Variants in CHAT observed in about 807,000 individuals in gnomAD.
The protein encoded by CHAT is acetyl CoA:choline O-acetyltransferase.
Under a neutral mutation model 76.9 loss-of-function variants are expected in CHAT, and 61 were observed. That is an observed-to-expected ratio of 0.79 (90% confidence interval 0.65 to 0.98). CHAT has a LOEUF of 0.98. CHAT is among the 50% of genes least tolerant of loss of function. CHAT has a pLI of 0.00. For synonymous variants in CHAT, 407 were observed against 397.4 expected (o/e 1.02, Z -0.29); for missense variants, 946 against 986.9 (o/e 0.96, Z 0.56).
chr10:49,656,646 G>A (rs4838549), intron 13 of CHAT, among the ~76,000 whole-genome samples: 61,321 of 152,058 alleles, frequency 0.4, 12,928 homozygotes, highest in East Asian at 0.69. Flanking sequence ...AAGAGAATAA[G>A]ACCCATTCGA....
At chr10:49,641,851 C>T (rs1200577810) in intron 7 of CHAT, among the ~76,000 whole-genome samples, 2 of 152,066 alleles carry the variant, frequency 1.3e-5, no homozygotes, top group South Asian at 2.1e-4. Flanking sequence ...GGTATATGTC[C>T]GGGGGTACTT....
At chr10:49,648,757 AC>A in intron 9 of CHAT, 150 bp downstream of exon 9, 1 of 570,184 alleles carries the variant, frequency 1.8e-6, no homozygotes, top group East Asian at 3.0e-5. Flanking sequence ...ACACACACAC[AC>A]GATGAATTTG....
upstream of CHAT, among the ~76,000 whole-genome samples, chr10:49,609,995 T>C (rs1227886008): frequency 6.6e-6 from 1 of 151,390 alleles, no homozygotes; most frequent in African/African-American, 2.4e-5. Flanking sequence ...GAGCGGGCGC[T>C]GACCCCGCGA....
At chr10:49,610,391 G>C (rs569645453), upstream of CHAT, 881 of 254,048 alleles carry the variant, frequency 3.5e-3, 4 homozygotes, top group Admixed American at 6.6e-3. Context: ...CATGTCCCTC[G>C]GCCAGCGCGG....
At position 49,614,165 on chromosome 10, in the gene CHAT, C is replaced by T. The variant is rs751007736; in HGVS notation, c.-25C>T. ...GATTCTGGGGGCCGGGAGCTGAGAT[C>T]CCTGGGCGGGGAGCTGGGGAAGGGA... On this transcript the variant is annotated 5_prime_UTR_variant, in exon 1 of 15. Transcript: ENST00000337653. 15 of 1,544,548 alleles carry T rather than the reference C, an allele frequency of 9.7e-6. No individual in the cohort carries two copies. The South Asian group carries it at 1.7e-4, about 17-fold the overall frequency.
intron 7 of CHAT, among the ~76,000 whole-genome samples, chr10:49,643,148 T>C (rs149826244): frequency 3.9e-5 from 6 of 152,356 alleles, no homozygotes; most frequent in Admixed American, 1.3e-4. Context: ...GGCATGACAA[T>C]GATACCTATC....
chr10:49,630,155 TCAGTA>T (rs147905211), intron 7 of CHAT, among the ~76,000 whole-genome samples: 1,593 of 140,700 alleles, frequency 0.011, 27 homozygotes, highest in African/African-American at 0.04. Context: ...AAGGGAGAGG[TCAGTA>T]CAGAGCAATA....
At chr10:49,638,051 T>A (rs1293194724) in intron 7 of CHAT, among the ~76,000 whole-genome samples, 1 of 152,246 alleles carries the variant, frequency 6.6e-6, no homozygotes, top group Non-Finnish European at 1.5e-5. Flanking sequence ...AGTCTCCAAG[T>A]ACAATTGTGG....
At chr10:49,633,442 C>A (rs780914756) in intron 7 of CHAT, among the ~76,000 whole-genome samples, 2 of 152,126 alleles carry the variant, frequency 1.3e-5, no homozygotes, top group Non-Finnish European at 2.9e-5. Flanking sequence ...ATGTCTGTCT[C>A]CTTTAGGGGT....
intron 7 of CHAT, among the ~76,000 whole-genome samples, chr10:49,644,307 G>A (rs1839588636): frequency 6.6e-6 from 1 of 152,178 alleles, no homozygotes; most frequent in Non-Finnish European, 1.5e-5. Context: ...GGAAGGAGGT[G>A]GCCATGGAGC....
intron 2 of CHAT, among the ~76,000 whole-genome samples, chr10:49,618,853 G>T (rs567362489): frequency 5.2e-4 from 79 of 152,286 alleles, no homozygotes; most frequent in African/African-American, 1.9e-3. Flanking sequence ...TAACATTTTA[G>T]ATGTGCCTAT....
intron 5 of CHAT, among the ~76,000 whole-genome samples, chr10:49,623,196 G>A (rs1381854382): frequency 1.3e-5 from 2 of 152,094 alleles, no homozygotes; most frequent in Non-Finnish European, 2.9e-5. Context: ...CGCCCCTCCA[G>A]CTCACCGTCC....
At chr10:49,612,271 C>A (rs139485937), upstream of CHAT, 3 of 1,611,072 alleles carry the variant, frequency 1.9e-6, no homozygotes, top group Non-Finnish European at 2.5e-6. Context: ...GGACGGCGAG[C>A]CTCGCAGCCC....
In CHAT at chr10:49,664,730, G is replaced by A. The variant is rs201092647; in HGVS notation, c.1978-47G>A. 290 of 1,613,414 alleles carry A rather than the reference G, an allele frequency of 1.8e-4. No individual in the cohort carries two copies. The African/African-American group carries it at 3.2e-3, about 18-fold the overall frequency. ...GAAGCCAAGCCCAGTCGAGGCTGGC[G>A]GGCTGCATTCCAGAACAAGCAGCTC... On this transcript the variant is annotated intron_variant, in intron 14 of 14. Transcript: ENST00000337653.
intron 7 of CHAT, among the ~76,000 whole-genome samples, chr10:49,638,806 T>G (rs1839379006): frequency 6.6e-6 from 1 of 152,234 alleles, no homozygotes; most frequent in Non-Finnish European, 1.5e-5. Flanking sequence ...GCTTCAACAT[T>G]GAAACACAGT....
At chr10:49,611,409 C>A (rs763788617), upstream of CHAT, 70 of 1,597,896 alleles carry the variant, frequency 4.4e-5, no homozygotes, top group Non-Finnish European at 5.9e-5. Context: ...TCATTAGCTT[C>A]GGAAGCCTAG....
At chr10:49,614,583 C>A in intron 1 of CHAT, 108 bp downstream of exon 1, 1 of 989,254 alleles carries the variant, frequency 1.0e-6, no homozygotes, top group Non-Finnish European at 1.5e-6. Flanking sequence ...CCCCAGGACT[C>A]GTGGAGTCCT....
rs528479799 is a variant in CHAT, at chr10:49,614,219, G to A, written c.30G>A (p.Gly10=). The A allele has an allele frequency of 7.9e-6, 12 of 1,525,810 alleles. No individual in the cohort carries two copies. The highest frequency in any genetic ancestry group is 2.0e-5 in the Admixed American group (1 of 49,792). 94.5% of individuals were successfully genotyped at this position (1,525,810 alleles called of 1,614,324 possible). MGLRTAKKR[G]LGGGGKWKRE... ...GGCTGAGGACAGCGAAGAAGAGGGG[G>A]CTTGGGGGAGGGGGGAAATGGAAGA... The change falls in exon 1 of 15, where the codon GGG becomes GGA. Residue 10 remains glycine, a synonymous_variant. Coordinates refer to ENST00000337653, the MANE Select transcript of CHAT (RefSeq NM_020549.5).
chr10:49,628,536 C>T, intron 7 of CHAT, among the ~76,000 whole-genome samples: 1 of 152,236 alleles, frequency 6.6e-6, no homozygotes, highest in Admixed American at 6.5e-5. Flanking sequence ...GTATGGGAGA[C>T]AAAGGAGTTG....
Sources: gnomAD v4.1 joint callset for allele counts (sites outside exome capture counted in the v4.1 genomes callset) on GRCh38, gnomAD v4.1.1 for gene constraint, MANE v1.5 for transcripts, NCBI Gene and HGNC (gene_info 2026-07-23, HGNC 2026-07-21) for gene names.